Variants in FRAS1 observed in about 807,000 individuals in gnomAD.
FRAS1 encodes the protein Fraser extracellular matrix complex subunit 1, also known as extracellular matrix organizing protein FRAS1.
In FRAS1, 290 loss-of-function variants were observed where a neutral mutation model predicts 435.2. The observed-to-expected ratio is 0.67, with a 90% CI of 0.61 to 0.73. The LOEUF (loss-of-function observed/expected upper bound fraction) is 0.73, where lower values mean the gene tolerates loss of function less well. FRAS1 is among the 30% of genes least tolerant of loss of function. The pLI, the probability that FRAS1 is intolerant of heterozygous loss-of-function variation, is 0.00. For missense variants in FRAS1, 4,860 were observed against 5,001.5 expected, an observed-to-expected ratio of 0.97 and a Z score of 0.85; for synonymous variants, 1,800 against 1,851.0, an observed-to-expected ratio of 0.97 and a Z score of 0.71.
chr4:78,430,487 T>C (rs1373421010), intron 37 of FRAS1, 70 bp downstream of exon 37: 5 of 1,522,682 alleles, frequency 3.3e-6, no homozygotes, highest in Non-Finnish European at 3.6e-6. Context: ...TCAGTTGTTA[T>C]GTGTCTCAGA....
At chr4:78,376,817 C>A (rs1054819531) in intron 26 of FRAS1, among the ~76,000 whole-genome samples, 9 of 152,112 alleles carry the variant, frequency 5.9e-5, no homozygotes, top group East Asian at 3.9e-4. Flanking sequence ...ATGGCAAAAC[C>A]CCGTCTCTAC....
intron 2 of FRAS1, among the ~76,000 whole-genome samples, chr4:78,083,624 C>CTTTTTT (rs1446958361): frequency 6.7e-5 from 5 of 74,122 alleles, no homozygotes; most frequent in African/African-American, 2.4e-4. Context: ...CATGCAAGTT[C>CTTTTTT]TGTTTTTTTT....
intron 60 of FRAS1, among the ~76,000 whole-genome samples, chr4:78,499,481 A>G (rs556453147): frequency 1.3e-5 from 2 of 152,310 alleles, no homozygotes; most frequent in South Asian, 4.1e-4. Flanking sequence ...CACCCATTAT[A>G]TTGTTTTTAA....
At chr4:78,503,839 C>T (rs57325795) in intron 61 of FRAS1, among the ~76,000 whole-genome samples, 21,854 of 152,200 alleles carry the variant, frequency 0.14, 1,892 homozygotes, top group Non-Finnish European at 0.21. Context: ...CCTGCTTTCT[C>T]TTGTGAGCAT....
intron 56 of FRAS1, 41 bp downstream of exon 56, chr4:78,479,759 G>C: frequency 6.9e-7 from 1 of 1,441,994 alleles, no homozygotes; most frequent in Non-Finnish European, 9.3e-7. Flanking sequence ...CCTGTCTCCT[G>C]ATTCCTTTCT....
intron 65 of FRAS1, among the ~76,000 whole-genome samples, chr4:78,515,315 T>C (rs1721172143): frequency 1.5e-5 from 2 of 136,000 alleles, no homozygotes; most frequent in Non-Finnish European, 3.1e-5. Flanking sequence ...CAAATGTAGG[T>C]ATGCTGGCTT....
At chr4:78,069,065 T>C (rs1740201597) in intron 2 of FRAS1, among the ~76,000 whole-genome samples, 1 of 152,188 alleles carries the variant, frequency 6.6e-6, no homozygotes, top group African/African-American at 2.4e-5. Context: ...GCTTCTAGTG[T>C]AAGAGGCGTC....
At position 78,394,629 on chromosome 4, in the gene FRAS1, A is replaced by G. The variant is rs958616797; in HGVS notation, c.3976-6105A>G. Among the ~76,000 whole-genome samples, 3 of 151,974 alleles carry G rather than the reference A, an allele frequency of 2.0e-5. No individual in the cohort carries two copies. The East Asian group carries it at 5.8e-4, about 29-fold the overall frequency. On this transcript the variant is annotated intron_variant, in intron 29 of 73. Transcript: ENST00000512123. ...CTATAACTTTGTAATGTAATTTGGA[A>G]TTAGAAAGTGTGAGGCCACCAGCTT... is the stretch of plus-strand genomic sequence containing the variant.
intron 2 of FRAS1, among the ~76,000 whole-genome samples, chr4:78,188,574 T>C (rs761011789): frequency 6.6e-6 from 1 of 152,170 alleles, no homozygotes; most frequent in Non-Finnish European, 1.5e-5. Flanking sequence ...AAAGGAACAT[T>C]GCTTTTACTT....
chr4:78,327,325 T>C (rs1012671835), intron 18 of FRAS1, among the ~76,000 whole-genome samples: 1 of 152,230 alleles, frequency 6.6e-6, no homozygotes, highest in Non-Finnish European at 1.5e-5. Context: ...AGGATTTTGA[T>C]ATCTACATCA....
At chr4:78,158,830 C>T (rs555529712) in intron 2 of FRAS1, among the ~76,000 whole-genome samples, 77 of 152,184 alleles carry the variant, frequency 5.1e-4, no homozygotes, top group Non-Finnish European at 8.7e-4. Flanking sequence ...CTATTTATGC[C>T]GCTGCCGTTC....
At chr4:78,135,209 C>G (rs1432608503) in intron 2 of FRAS1, among the ~76,000 whole-genome samples, 3 of 152,200 alleles carry the variant, frequency 2.0e-5, no homozygotes, top group Non-Finnish European at 4.4e-5. Context: ...ATTTCTAAAA[C>G]TCTTGCCGTC....
chr4:78,159,231 C>T (rs557020281), intron 2 of FRAS1, among the ~76,000 whole-genome samples: 14 of 152,170 alleles, frequency 9.2e-5, no homozygotes, highest in African/African-American at 1.2e-4. Context: ...TCCTTTGAAG[C>T]GCCACTGGAG....
At chr4:78,078,682 T>C (rs1238744441) in intron 2 of FRAS1, among the ~76,000 whole-genome samples, 3 of 152,062 alleles carry the variant, frequency 2.0e-5, no homozygotes, top group East Asian at 1.9e-4. Flanking sequence ...AATGTAAATC[T>C]AACCAAAAAT....
intron 29 of FRAS1, among the ~76,000 whole-genome samples, chr4:78,400,011 C>G (rs1676426413): frequency 6.6e-6 from 1 of 152,062 alleles, no homozygotes; most frequent in African/African-American, 2.4e-5. Flanking sequence ...ACTTTTTATC[C>G]ACTCCCCAAC....
chr4:78,448,078 T>A lies in FRAS1; in HGVS notation c.6036T>A (p.Ala2012=). 1 of 1,612,228 alleles carries A rather than the reference T, an allele frequency of 6.2e-7. No homozygotes were observed. Among genetic ancestry groups the A allele is most frequent in the Non-Finnish European group, 8.5e-7 (1 of 1,179,100 alleles). The change falls in exon 44 of 74, where the codon GCT becomes GCA. Residue 2012 remains alanine (A), a synonymous_variant. Transcript: ENST00000512123. ...DHGHVLWRQT[A]SEPLENGRVL... is the part of the protein sequence containing the mutation. ...GTCATGTACTCTGGAGGCAAACTGC[T>A]TCTGAGCCTCTGGAGAATGGGAGAG...
At chr4:78,518,442 ATATATATATATT>A (rs1208775703) in intron 66 of FRAS1, among the ~76,000 whole-genome samples, 114 of 66,876 alleles carry the variant, frequency 1.7e-3, no homozygotes, top group Middle Eastern at 0.014. Context: ...ATATATATAT[ATATATATATATT>A]TATTTATTTA....
At chr4:78,213,948 A>G (rs934147794) in intron 2 of FRAS1, among the ~76,000 whole-genome samples, 4 of 152,248 alleles carry the variant, frequency 2.6e-5, no homozygotes, top group African/African-American at 7.2e-5. Flanking sequence ...ATGTGCACAG[A>G]TAACTTTAAT....
intron 28 of FRAS1, among the ~76,000 whole-genome samples, chr4:78,386,882 G>A (rs1444059442): frequency 6.6e-6 from 1 of 152,080 alleles, no homozygotes; most frequent in African/African-American, 2.4e-5. Flanking sequence ...CCTGAGTTGG[G>A]GTGGGGCTCT....
Sources: gnomAD v4.1 joint callset for allele counts (sites outside exome capture counted in the v4.1 genomes callset) on GRCh38, gnomAD v4.1.1 for gene constraint, MANE v1.5 for transcripts, NCBI Gene and HGNC (gene_info 2026-07-23, HGNC 2026-07-21) for gene names.